Variants in NFIB observed in about 807,000 individuals in gnomAD.
NFIB encodes the protein nuclear factor I B, also known as nuclear factor 1 B-type.
NFIB carries 11 observed loss-of-function variants against 61.5 expected under a neutral mutation model. The ratio of observed to expected loss-of-function variants is 0.18; its 90% confidence interval spans 0.11 to 0.30. NFIB has a LOEUF of 0.30. NFIB is among the 10% of genes least tolerant of loss of function. The pLI is 1.00. For missense variants in NFIB, 471 were observed against 608.9 expected, an observed-to-expected ratio of 0.77 and a Z score of 2.38; for synonymous variants, 260 against 216.5, an observed-to-expected ratio of 1.20 and a Z score of -1.76.
chr9:14,279,221 A>T (rs1284140533), intron 2 of NFIB, among the ~76,000 whole-genome samples: 1 of 152,182 alleles, frequency 6.6e-6, no homozygotes, highest in African/African-American at 2.4e-5. Flanking sequence ...AATGGAACCA[A>T]AAATGGAAGC....
At chr9:14,174,932 T>C (rs933421215) in intron 3 of NFIB, among the ~76,000 whole-genome samples, 6 of 152,180 alleles carry the variant, frequency 3.9e-5, no homozygotes, top group South Asian at 4.1e-4. Context: ...GATTAAAAAG[T>C]ACTAAGTTTG....
chr9:14,492,391 T>TAA, the NFIB span, among the ~76,000 whole-genome samples: 1 of 151,192 alleles, frequency 6.6e-6, no homozygotes, highest in Non-Finnish European at 1.5e-5. Flanking sequence ...AATAAATAAA[T>TAA]ATTTAAAAAA....
At chr9:14,213,556 T>C (rs903471099) in intron 2 of NFIB, among the ~76,000 whole-genome samples, 1 of 152,230 alleles carries the variant, frequency 6.6e-6, no homozygotes. Context: ...CCAGTGCTGC[T>C]GGTCGTGGGA....
intron 2 of NFIB, among the ~76,000 whole-genome samples, chr9:14,234,586 T>C (rs1047063777): frequency 1.3e-5 from 2 of 152,070 alleles, no homozygotes; most frequent in Non-Finnish European, 1.5e-5. Flanking sequence ...ACCAGGCTGG[T>C]CTCAAACTCT....
upstream of NFIB, among the ~76,000 whole-genome samples, chr9:14,400,446 T>C (rs2061731894): frequency 6.6e-6 from 1 of 152,116 alleles, no homozygotes; most frequent in African/African-American, 2.4e-5. Flanking sequence ...TTTGTTTTGT[T>C]TTTTTGACCC....
intron 2 of NFIB, among the ~76,000 whole-genome samples, chr9:14,292,518 C>G (rs1267527261): frequency 6.6e-6 from 1 of 152,212 alleles, no homozygotes; most frequent in Non-Finnish European, 1.5e-5. Context: ...GAGGACTGCT[C>G]TCTGCCAAGA....
At chr9:14,506,985 A>T in the NFIB span, among the ~76,000 whole-genome samples, 2 of 152,240 alleles carry the variant, frequency 1.3e-5, no homozygotes, top group South Asian at 4.1e-4. Context: ...AAAGAACAGC[A>T]TATCTACAGG....
At position 14,234,872 on chromosome 9, in the gene NFIB, G is replaced by C. The variant is rs550578247; in HGVS notation, c.563-55092C>G. Among the ~76,000 whole-genome samples the C allele has an allele frequency of 2.4e-4, 36 of 150,136 alleles. 1 individual carries two copies. The highest frequency in any genetic ancestry group is 6.9e-4 in the African/African-American group (28 of 40,866). On this transcript the variant is annotated intron_variant, in intron 2 of 10. Coordinates refer to ENST00000380953, the MANE Select transcript of NFIB (RefSeq NM_001190737.2). The stretch of plus-strand genomic sequence containing the variant: ...TTAAAAACCAGATCCAAGAGGATCA[G>C]AATAACAATAGTGAGGTGAAATCAC...
the NFIB span, among the ~76,000 whole-genome samples, chr9:14,436,474 C>T: frequency 9.9e-3 from 1,509 of 152,326 alleles, 19 homozygotes; most frequent in African/African-American, 0.033. Flanking sequence ...TACTTGATGT[C>T]AGTCATTGTG....
At chr9:14,518,751 T>C in the NFIB span, among the ~76,000 whole-genome samples, 2 of 151,510 alleles carry the variant, frequency 1.3e-5, no homozygotes, top group African/African-American at 4.9e-5. Context: ...AATGGGAAAA[T>C]GAAAGACAAA....
chr9:14,228,516 T>G (rs1159710235), intron 2 of NFIB, among the ~76,000 whole-genome samples: 1 of 152,190 alleles, frequency 6.6e-6, no homozygotes, highest in Non-Finnish European at 1.5e-5. Flanking sequence ...ATCTAAACTA[T>G]ACAATGTTCC....
the NFIB span, among the ~76,000 whole-genome samples, chr9:14,508,175 C>T: frequency 5.9e-5 from 9 of 151,882 alleles, 1 homozygote; most frequent in Admixed American, 2.0e-4. Flanking sequence ...AGCATCACTG[C>T]TTTTCTACAT....
the NFIB span, among the ~76,000 whole-genome samples, chr9:14,478,275 C>T: frequency 2.8e-4 from 42 of 152,224 alleles, no homozygotes; most frequent in South Asian, 2.5e-3. Flanking sequence ...AAGTCTTTTC[C>T]TCCATCTTGC....
chr9:14,310,315 T>A (rs1241831820), intron 1 of NFIB, among the ~76,000 whole-genome samples: 1 of 152,176 alleles, frequency 6.6e-6, no homozygotes, highest in African/African-American at 2.4e-5. Flanking sequence ...CTTATTGATA[T>A]CGTTCAGGGT....
intron 1 of NFIB, among the ~76,000 whole-genome samples, chr9:14,375,762 T>A (rs1222376325): frequency 6.6e-6 from 1 of 152,144 alleles, no homozygotes; most frequent in Non-Finnish European, 1.5e-5. Flanking sequence ...GGTAAGGGAA[T>A]CTTTTAAGAG....
At chr9:14,242,322 C>T (rs1318940269) in intron 2 of NFIB, among the ~76,000 whole-genome samples, 1 of 152,122 alleles carries the variant, frequency 6.6e-6, no homozygotes, top group African/African-American at 2.4e-5. Context: ...AAAGTTTGGG[C>T]TGTATTTGCT....
chr9:14,506,034 A>G, the NFIB span, among the ~76,000 whole-genome samples: 1 of 152,198 alleles, frequency 6.6e-6, no homozygotes, highest in Non-Finnish European at 1.5e-5. Flanking sequence ...GCAGCCAAAT[A>G]GAAAGAAAAA....
At chr9:14,340,381 C>T (rs994469258) in intron 1 of NFIB, among the ~76,000 whole-genome samples, 3 of 152,150 alleles carry the variant, frequency 2.0e-5, no homozygotes, top group Admixed American at 6.5e-5. Context: ...ACATTAGAAT[C>T]GCCCAGGGGA....
chr9:14,433,076 C>G, the NFIB span, among the ~76,000 whole-genome samples: 1 of 152,088 alleles, frequency 6.6e-6, no homozygotes, highest in Non-Finnish European at 1.5e-5. Context: ...CTGGTGACCC[C>G]TTATTTAAAA....
Sources: allele counts gnomAD v4.1 joint callset (sites outside exome capture counted in the v4.1 genomes callset), GRCh38; gene constraint gnomAD v4.1.1; transcripts MANE v1.5; gene names NCBI Gene and HGNC (gene_info 2026-07-23, HGNC 2026-07-21).